The following MAFG variants were observed in gnomAD, a reference collection of about 807,000 sequenced individuals.
MAFG encodes transcription factor MafG.
Under a neutral mutation model 12.2 loss-of-function variants are expected in MAFG, and 3 were observed. That is an observed-to-expected ratio of 0.25 (90% confidence interval 0.11 to 0.64). The LOEUF (loss-of-function observed/expected upper bound fraction) is 0.64. Among genes scored for constraint, MAFG ranks in the 30% least tolerant of loss-of-function variants. The pLI is 0.85. For synonymous variants in MAFG, 126 were observed against 109.1 expected (o/e 1.15, Z -0.96); for missense variants, 153 against 235.5 (o/e 0.65, Z 2.29).
At chr17:81,931,056 C>T (rs1377027914), upstream of MAFG, among the ~76,000 whole-genome samples, 1 of 152,204 alleles carries the variant, frequency 6.6e-6, no homozygotes, top group African/African-American at 2.4e-5. Flanking sequence ...TCACCTACCT[C>T]CCCAGACTTC....
Position 81,918,344 on chromosome 17 carries a change from C to T in MAFG, c.*4261G>A. On this transcript the variant is annotated 3_prime_UTR_variant, in exon 3 of 3. Coordinates refer to ENST00000357736, the MANE Select transcript of MAFG (RefSeq NM_002359.4). ...TATCACAAACATACACTATGTACAGCAATAAATACCCGGGGGGCCAGGCCC... is the reference window on the plus strand; with the variant it reads ...TATCACAAACATACACTATGTACAGTAATAAATACCCGGGGGGCCAGGCCC... The T allele has an allele frequency of 2.5e-6, 1 of 407,440 alleles. No individual in the cohort carries two copies. The highest frequency in any genetic ancestry group is 4.3e-6 in the Non-Finnish European group (1 of 231,704). 25.2% of individuals were successfully genotyped at this position (407,440 alleles called of 1,614,324 possible).
At position 81,926,190 on chromosome 17, in the gene MAFG, C is replaced by T. The variant is rs2040938627; in HGVS notation, c.-30+1338G>A. On this transcript the variant is annotated intron_variant, in intron 1 of 2. Transcript: ENST00000357736. This position sits in a 1 kb window ranked among gnomAD's most constrained non-coding sequence, Gnocchi z 4.6. ...CCCAAGCTGCCACTTTCTAAGCGTC[C>T]TGGGCTGCCAGGCCAGACACCCAAC... Among the ~76,000 whole-genome samples the T allele has an allele frequency of 6.6e-6, 1 of 152,204 alleles. No homozygotes were observed. The highest frequency in any genetic ancestry group is 1.5e-5 in the Non-Finnish European group (1 of 68,044).
In MAFG at chr17:81,926,904, C is replaced by T. The variant is rs142854321; in HGVS notation, c.-30+624G>A. On this transcript the variant is annotated intron_variant, in intron 1 of 2. Transcript: ENST00000357736. The surrounding 1 kb of genome is among the most constrained non-coding windows in gnomAD (Gnocchi z 4.6). Reference sequence around the variant, plus strand: ...ACCTCCCGCTGGCGGCCTTTTAGTCCCCGAGGCCCCTCGCTCGAATCCCCT... The same window carrying T: ...ACCTCCCGCTGGCGGCCTTTTAGTCTCCGAGGCCCCTCGCTCGAATCCCCT... 1.3e-5 allele frequency among the ~76,000 whole-genome samples: 2 copies of T among 152,170 alleles called. No individual in the cohort carries two copies. The highest frequency in any genetic ancestry group is 2.9e-5 in the Non-Finnish European group (2 of 68,022).
chr17:81,927,883 C>CG (rs2040955754), upstream of MAFG: 1 of 152,146 alleles, frequency 6.6e-6, no homozygotes, highest in Non-Finnish European at 1.5e-5. Context: ...TAGCGCCTGG[C>CG]GGGGTCTCAC....
At chr17:81,928,890 T>C (rs976587146), upstream of MAFG, among the ~76,000 whole-genome samples, 5 of 152,186 alleles carry the variant, frequency 3.3e-5, no homozygotes, top group African/African-American at 1.2e-4. This position sits in a 1 kb window ranked among gnomAD's most constrained non-coding sequence, Gnocchi z 8.1. Flanking sequence ...CCTGAGCCGC[T>C]GGGCATCCTG....
rs976390120 is a variant in MAFG at position 81,924,397 on chromosome 17, T to C, written c.-29-1183A>G. Reference sequence around the variant, plus strand: ...CCCTTGGGCATGGACCCCCGCCTCATGCTCCATCCCCCACTTTCCAGGTTT... The same window carrying C: ...CCCTTGGGCATGGACCCCCGCCTCACGCTCCATCCCCCACTTTCCAGGTTT... On this transcript the variant is annotated intron_variant, in intron 1 of 2. Coordinates refer to ENST00000357736, the MANE Select transcript of MAFG (RefSeq NM_002359.4). The surrounding 1 kb of genome is among the most constrained non-coding windows in gnomAD (Gnocchi z 4.7). 2.0e-5 allele frequency: 3 copies of C among 152,480 alleles called. No homozygotes were observed. Among genetic ancestry groups the C allele is most frequent in the Non-Finnish European group, 4.4e-5 (3 of 68,260 alleles). 9.4% of individuals were successfully genotyped at this position (152,480 alleles called of 1,614,324 possible).
Position 81,924,209 on chromosome 17 carries a change from C to T in MAFG, c.-29-995G>A, listed in dbSNP as rs139190353. On this transcript the variant is annotated intron_variant, in intron 1 of 2. Coordinates refer to ENST00000357736, the MANE Select transcript of MAFG (RefSeq NM_002359.4). The surrounding 1 kb of genome is among the most constrained non-coding windows in gnomAD (Gnocchi z 4.7). ...GCTGCAGCCTGCTCTCTGGTCCCTG[C>T]CCCGGGTGAGTGCCCACAGGGCCAG... is the stretch of plus-strand genomic sequence containing the variant. The T allele has an allele frequency of 5.3e-5, 8 of 152,306 alleles. No homozygotes were observed. Among genetic ancestry groups the T allele is most frequent in the African/African-American group, 1.9e-4 (8 of 41,468 alleles). 9.4% of individuals were successfully genotyped at this position (152,306 alleles called of 1,614,324 possible).
upstream of MAFG, chr17:81,930,071 A>G (rs1052170440): frequency 4.0e-5 from 6 of 151,784 alleles, no homozygotes; most frequent in Admixed American, 2.0e-4. The surrounding 1 kb of genome is among the most constrained non-coding windows in gnomAD (Gnocchi z 4.1). Context: ...TTAAGACCCC[A>G]TCGGTTCCTC....
rs1791664524 is a variant in MAFG at position 81,924,097 on chromosome 17, C to G, written c.-29-883G>C. 6.6e-6 allele frequency: 1 copy of G among 152,318 alleles called. No individual in the cohort carries two copies. The highest frequency in any genetic ancestry group is 1.5e-5 in the Non-Finnish European group (1 of 68,090). The allele number at this position is 152,318 out of a possible 1,614,324, so 9.4% of individuals were successfully genotyped here. A position where few individuals can be genotyped will look rare whatever the true frequency, so the allele number is the denominator to read the frequency against. The stretch of plus-strand genomic sequence containing the variant: ...GTTGCAGGAAGCAGCCCCTGCCCCA[C>G]CCCATCCAGGGTATTTCACAAGGGC... On this transcript the variant is annotated intron_variant, in intron 1 of 2. Coordinates refer to ENST00000357736, the MANE Select transcript of MAFG (RefSeq NM_002359.4). This position sits in a 1 kb window ranked among gnomAD's most constrained non-coding sequence, Gnocchi z 4.7.
rs1407505153 is a variant in MAFG, at chr17:81,926,830, C to T, written c.-30+698G>A. On this transcript the variant is annotated intron_variant, in intron 1 of 2. Coordinates refer to ENST00000357736, the MANE Select transcript of MAFG (RefSeq NM_002359.4). This position sits in a 1 kb window ranked among gnomAD's most constrained non-coding sequence, Gnocchi z 4.6. ...GCTCGGCGCTCACTTAAACAGGCAC[C>T]CCAAGGCGCCGGGCCTGGCCCCCTC... 6.6e-6 allele frequency among the ~76,000 whole-genome samples: 1 copy of T among 152,208 alleles called. No individual in the cohort carries two copies. Among genetic ancestry groups the T allele is most frequent in the African/African-American group, 2.4e-5 (1 of 41,456 alleles).
rs1419395134 is a variant in MAFG at position 81,923,159 on chromosome 17, C to T, written c.27G>A (p.Lys9=). Residue 9 remains lysine (K), a synonymous_variant, in exon 2 of 3, where the codon AAG becomes AAA. Transcript: ENST00000357736. ...GTCCCTGCCCACTCACCTTCAAGGCCTTGTTTCCTTTATTGGGGGTCGTCA... is the reference window on the plus strand; with the variant it reads ...GTCCCTGCCCACTCACCTTCAAGGCTTTGTTTCCTTTATTGGGGGTCGTCA... MTTPNKGN[K]ALKVKREPGE... 3 of 1,609,168 alleles carry T rather than the reference C, an allele frequency of 1.9e-6. No homozygotes were observed. The highest frequency in any genetic ancestry group is 2.7e-5 in the African/African-American group (2 of 74,556).
Position 81,923,383 on chromosome 17 carries a change from G to A in MAFG, c.-29-169C>T, listed in dbSNP as rs1237031045. On this transcript the variant is annotated intron_variant, in intron 1 of 2. Transcript: ENST00000357736. Reference sequence around the variant, plus strand: ...AGGAGGCAGCCCTTGGCCTCTCCCAGGCTGGGCTGAGCTGCTTCCTGTCCA... The same window carrying A: ...AGGAGGCAGCCCTTGGCCTCTCCCAAGCTGGGCTGAGCTGCTTCCTGTCCA... The A allele has an allele frequency of 5.8e-6, 3 of 519,270 alleles. No homozygotes were observed. In the African/African-American group the frequency reaches 6.0e-5, roughly 10 times the overall value. 32.2% of individuals were successfully genotyped at this position (519,270 alleles called of 1,614,324 possible).
chr17:81,928,832 C>G (rs767884542), upstream of MAFG, among the ~76,000 whole-genome samples: 6 of 152,362 alleles, frequency 3.9e-5, no homozygotes, highest in East Asian at 9.6e-4. This position sits in a 1 kb window ranked among gnomAD's most constrained non-coding sequence, Gnocchi z 8.1. Context: ...CCTCCCTGCT[C>G]GCGTCCTCAT....
At position 81,922,083 on chromosome 17, in the gene MAFG, AC is replaced by A. The variant is rs2040896059; in HGVS notation, c.*521del. On this transcript the variant is annotated 3_prime_UTR_variant, in exon 3 of 3. Transcript: ENST00000357736. ...ACCACTGCGCCCAGGCTGGTGGTCC[AC>A]CCATCAGGGCCTTCAAGCCCGCCCT... The A allele has an allele frequency of 6.6e-6, 1 of 152,248 alleles. No individual in the cohort carries two copies. The highest frequency in any genetic ancestry group is 2.4e-5 in the African/African-American group (1 of 41,362). 9.4% of individuals were successfully genotyped at this position (152,248 alleles called of 1,614,324 possible).
At chr17:81,928,055 G>T (rs553682663), upstream of MAFG, 1 of 152,176 alleles carries the variant, frequency 6.6e-6, no homozygotes, top group Non-Finnish European at 1.5e-5. The surrounding 1 kb of genome is among the most constrained non-coding windows in gnomAD (Gnocchi z 8.1). Context: ...GCTCAGCCTA[G>T]GGCAGGCTCT....
chr17:81,922,505 G>A lies in MAFG; in HGVS notation c.*100C>T. On this transcript the variant is annotated 3_prime_UTR_variant, in exon 3 of 3. Coordinates refer to ENST00000357736, the MANE Select transcript of MAFG (RefSeq NM_002359.4). ...AGGGAAGAGAGAAGGGTGGGGAAGA[G>A]AGGGAGGAAAGAGAAGAGAAGGAAA... 1.0e-6 allele frequency: 1 copy of A among 959,670 alleles called. No individual in the cohort carries two copies. The highest frequency in any genetic ancestry group is 2.3e-5 in the South Asian group (1 of 43,198). 59.4% of individuals were successfully genotyped at this position (959,670 alleles called of 1,614,324 possible).
At chr17:81,931,145 A>G (rs963224180), upstream of MAFG, among the ~76,000 whole-genome samples, 3 of 152,134 alleles carry the variant, frequency 2.0e-5, no homozygotes, top group East Asian at 1.9e-4. Flanking sequence ...CCACAGTGGG[A>G]AAGCTCCTAG....
rs1168271879 is a variant in MAFG at position 81,926,989 on chromosome 17, G to A, written c.-30+539C>T. ...TGATGACTCAGCAAGTCTCCCTCCG[G>A]GCTCTGGCACGCGACTGACGGAACC... On this transcript the variant is annotated intron_variant, in intron 1 of 2. Coordinates refer to ENST00000357736, the MANE Select transcript of MAFG (RefSeq NM_002359.4). This position sits in a 1 kb window ranked among gnomAD's most constrained non-coding sequence, Gnocchi z 4.6. Among the ~76,000 whole-genome samples the A allele has an allele frequency of 6.6e-6, 1 of 152,140 alleles. No homozygotes were observed. Among genetic ancestry groups the A allele is most frequent in the Non-Finnish European group, 1.5e-5 (1 of 68,002 alleles).
chr17:81,927,497 C>A (rs2040951478), intron 1 of MAFG, 31 bp downstream of exon 1: 1 of 146,776 alleles, frequency 6.8e-6, no homozygotes, highest in Non-Finnish European at 1.5e-5. Flanking sequence ...CCGCCCCCAC[C>A]GCCCGGGCCC....
Sources: gnomAD v4.1 joint callset for allele counts (sites outside exome capture counted in the v4.1 genomes callset) on GRCh38, gnomAD v4.1.1 for gene constraint, Gnocchi (gnomAD v3.1) non-coding constraint, MANE v1.5 for transcripts, NCBI Gene and HGNC (gene_info 2026-07-23, HGNC 2026-07-21) for gene names.